The following MEMO1 variants were observed in gnomAD, a reference collection of about 807,000 sequenced individuals.
MEMO1 encodes the protein mediator of cell motility 1, also known as protein MEMO1.
A neutral mutation model predicts 45.2 loss-of-function variants in MEMO1; 6 were observed. The observed-to-expected ratio is 0.13, with a 90% CI of 0.07 to 0.26. The LOEUF is 0.26. Ranked by LOEUF, MEMO1 falls within the 10% of genes least tolerant of loss-of-function variation. The probability of loss-of-function intolerance (pLI) is 1.00; values close to 1 mark genes in which losing one functional copy is unlikely to be tolerated. For synonymous variants in MEMO1, 78 were observed against 124.3 expected (o/e 0.63, Z 2.48); for missense variants, 184 against 370.5 (o/e 0.50, Z 4.13).
intron 2 of MEMO1, among the ~76,000 whole-genome samples, chr2:31,955,022 C>G (rs916684493): frequency 6.6e-6 from 1 of 152,014 alleles, no homozygotes; most frequent in Admixed American, 6.6e-5. Flanking sequence ...GGGAGGATCA[C>G]TTGAGCTCAG....
chr2:31,984,079 T>A (rs1380941429), intron 2 of MEMO1, among the ~76,000 whole-genome samples: 4 of 152,190 alleles, frequency 2.6e-5, no homozygotes, highest in Non-Finnish European at 5.9e-5. Context: ...AGAACTCAAG[T>A]AATGTATGCA....
intron 2 of MEMO1, among the ~76,000 whole-genome samples, chr2:32,004,899 C>G (rs1413186139): frequency 6.6e-6 from 1 of 151,494 alleles, no homozygotes; most frequent in East Asian, 1.9e-4. Flanking sequence ...TGCACTCCAG[C>G]CTGGGCAACA....
Position 31,907,974 on chromosome 2 carries a change from T to TAC in MEMO1, c.437+9951_437+9952insGT, listed in dbSNP as rs1477130225. Among the ~76,000 whole-genome samples the TAC allele has an allele frequency of 2.6e-5, 4 of 152,206 alleles. No individual in the cohort carries two copies. In the East Asian group the frequency reaches 7.7e-4, roughly 29 times the overall value. ...AGAGAGACATCAGAAAAGAGTCTCT[T>TAC]ATTCTGTGTATTCTTCAGAAGGTGG... On this transcript the variant is annotated intron_variant, in intron 6 of 9. Transcript: ENST00000404530.
intron 2 of MEMO1, among the ~76,000 whole-genome samples, chr2:32,000,510 G>A (rs185429772): frequency 0.011 from 1,713 of 152,084 alleles, 19 homozygotes; most frequent in African/African-American, 0.012. Context: ...GATTACAGGC[G>A]TGAGCCACCG....
At chr2:32,002,332 T>C (rs990050233) in intron 2 of MEMO1, among the ~76,000 whole-genome samples, 2 of 148,086 alleles carry the variant, frequency 1.4e-5, no homozygotes, top group African/African-American at 2.5e-5. Context: ...TATACATATA[T>C]ACATATACAT....
chr2:31,997,270 G>A (rs1272759260), intron 2 of MEMO1, among the ~76,000 whole-genome samples: 2 of 152,132 alleles, frequency 1.3e-5, no homozygotes, highest in African/African-American at 4.8e-5. Flanking sequence ...GCAGTAAAAT[G>A]TAATAAGAAA....
intron 8 of MEMO1, 150 bp downstream of exon 8, chr2:31,883,236 T>G: frequency 1.7e-6 from 1 of 605,110 alleles, no homozygotes; most frequent in South Asian, 2.5e-5. Flanking sequence ...ATTATTCTTA[T>G]AGTCAGTATT....
At chr2:31,961,608 T>A (rs528219375) in intron 2 of MEMO1, among the ~76,000 whole-genome samples, 10 of 142,588 alleles carry the variant, frequency 7.0e-5, no homozygotes, top group East Asian at 4.1e-4. Context: ...ATAAAAAATT[T>A]AAAAAAAAAC....
At chr2:31,930,014 C>T (rs895008871) in intron 4 of MEMO1, among the ~76,000 whole-genome samples, 3 of 152,194 alleles carry the variant, frequency 2.0e-5, no homozygotes, top group Non-Finnish European at 4.4e-5. Flanking sequence ...AATCCCAGCA[C>T]TTTGGGAGGC....
At chr2:31,886,717 C>T (rs986008785) in intron 7 of MEMO1, among the ~76,000 whole-genome samples, 14 of 152,052 alleles carry the variant, frequency 9.2e-5, no homozygotes, top group Admixed American at 2.6e-4. Context: ...GCCCATGTAC[C>T]TGGAGAACTG....
intron 8 of MEMO1, among the ~76,000 whole-genome samples, chr2:31,876,718 G>A (rs1317213966): frequency 2.7e-5 from 4 of 150,896 alleles, no homozygotes; most frequent in Non-Finnish European, 4.4e-5. Flanking sequence ...TGGTCCTTAT[G>A]GCCTAAATAA....
At chr2:31,933,022 T>TA (rs1664371808) in intron 3 of MEMO1, among the ~76,000 whole-genome samples, 1 of 152,208 alleles carries the variant, frequency 6.6e-6, no homozygotes, top group East Asian at 1.9e-4. Flanking sequence ...TACAATGGAA[T>TA]ACTCTTCAGC....
chr2:31,884,020 T>G (rs762250171), intron 7 of MEMO1, among the ~76,000 whole-genome samples: 3 of 151,822 alleles, frequency 2.0e-5, no homozygotes, highest in African/African-American at 4.8e-5. Flanking sequence ...TACAAGTGCC[T>G]TATGCAACGT....
intron 4 of MEMO1, among the ~76,000 whole-genome samples, chr2:31,927,542 GC>G (rs1683286562): frequency 6.6e-6 from 1 of 151,168 alleles, no homozygotes; most frequent in Admixed American, 6.6e-5. Context: ...CAGGGTGAAT[GC>G]ATAACCAGAT....
At chr2:31,923,528 C>A in intron 4 of MEMO1, 2 of 1,203,266 alleles carry the variant, frequency 1.7e-6, no homozygotes, top group Non-Finnish European at 2.2e-6. Flanking sequence ...ATCTTAATAG[C>A]ACATAAATAA....
intron 2 of MEMO1, among the ~76,000 whole-genome samples, chr2:31,957,329 T>C (rs959541667): frequency 3.3e-5 from 5 of 152,072 alleles, no homozygotes; most frequent in Non-Finnish European, 7.4e-5. Flanking sequence ...TACTATGAAG[T>C]CATAAACAAT....
chr2:31,927,998 CCTGTTTTATTAATCA>C (rs1683360092), intron 4 of MEMO1, among the ~76,000 whole-genome samples: 1 of 152,170 alleles, frequency 6.6e-6, no homozygotes. Flanking sequence ...TAAAACCATG[CCTGTTTTATTAATCA>C]CTGTGTCTCT....
intron 6 of MEMO1, among the ~76,000 whole-genome samples, chr2:31,910,013 A>C (rs1680317573): frequency 6.6e-6 from 1 of 152,126 alleles, no homozygotes; most frequent in Non-Finnish European, 1.5e-5. Context: ...TTATCAATAG[A>C]CAAACATGGA....
intron 2 of MEMO1, among the ~76,000 whole-genome samples, chr2:31,959,618 T>A (rs999095572): frequency 2.7e-4 from 41 of 151,818 alleles, no homozygotes; most frequent in Admixed American, 2.6e-3. Context: ...ACAGACAAGA[T>A]GAGGTACAAG....
Sources: allele counts gnomAD v4.1 joint callset (sites outside exome capture counted in the v4.1 genomes callset), GRCh38; gene constraint gnomAD v4.1.1; transcripts MANE v1.5; gene names NCBI Gene and HGNC (gene_info 2026-07-23, HGNC 2026-07-21).